The following LPIN1 variants were observed in gnomAD, a reference collection of about 807,000 sequenced individuals.
The protein encoded by LPIN1 is lipin 1, also known as phosphatidate phosphatase LPIN1.
LPIN1 carries 71 observed loss-of-function variants against 107.5 expected under a neutral mutation model. The observed-to-expected ratio is 0.66, with a 90% CI of 0.55 to 0.80. The LOEUF (loss-of-function observed/expected upper bound fraction) is 0.80, where lower values mean the gene tolerates loss of function less well. Among genes scored for constraint, LPIN1 ranks in the 30% least tolerant of loss-of-function variants. LPIN1 has a pLI of 0.00. For missense variants in LPIN1, 1,043 were observed against 1,160.6 expected (o/e 0.90, Z 1.47); for synonymous variants, 445 against 452.6 (o/e 0.98, Z 0.21).
intron 17 of LPIN1, among the ~76,000 whole-genome samples, chr2:11,811,737 A>G (rs1679682943): frequency 6.6e-6 from 1 of 152,268 alleles, no homozygotes; most frequent in Admixed American, 6.5e-5. Flanking sequence ...CTGTAATCCC[A>G]GCACTTTGGG....
intron 7 of LPIN1, among the ~76,000 whole-genome samples, chr2:11,780,810 G>A (rs1421435899): frequency 6.6e-6 from 1 of 152,198 alleles, no homozygotes; most frequent in Non-Finnish European, 1.5e-5. Flanking sequence ...TGAAGTATCT[G>A]GCACCTGTAG....
intron 12 of LPIN1, among the ~76,000 whole-genome samples, chr2:11,791,261 T>C (rs1675674933): frequency 6.6e-6 from 1 of 152,214 alleles, no homozygotes; most frequent in Non-Finnish European, 1.5e-5. Context: ...GGAAGGGACA[T>C]TACCTAACTT....
intron 1 of LPIN1, among the ~76,000 whole-genome samples, chr2:11,762,196 C>T (rs556611500): frequency 6.6e-5 from 10 of 152,158 alleles, no homozygotes; most frequent in African/African-American, 1.9e-4. Context: ...GATGCAACTC[C>T]GGAGTAGCCA....
chr2:11,818,833 CA>C (rs985688094), intron 18 of LPIN1: 39 of 152,104 alleles, frequency 2.6e-4, no homozygotes, highest in African/African-American at 8.9e-4. Context: ...TAAATTGTAT[CA>C]AATCCTCTTT....
intron 1 of LPIN1, chr2:11,682,137 C>T (rs1661749909): frequency 6.6e-6 from 1 of 152,396 alleles, no homozygotes. Flanking sequence ...GGGAGCGGGG[C>T]TTTGGGCCTC....
upstream of LPIN1, among the ~76,000 whole-genome samples, chr2:11,742,730 C>T (rs1014455360): frequency 2.6e-5 from 4 of 152,208 alleles, no homozygotes; most frequent in Admixed American, 6.5e-5. Flanking sequence ...GTCTTAGCCC[C>T]GCTCATTATG....
intron 1 of LPIN1, among the ~76,000 whole-genome samples, chr2:11,705,773 G>T (rs150256155): frequency 2.6e-5 from 4 of 152,322 alleles, no homozygotes; most frequent in African/African-American, 9.6e-5. Context: ...TTAGAAAATT[G>T]CATGCTTTTT....
At position 11,826,555 on chromosome 2, in the gene LPIN1, T is replaced by G. The variant is rs1421835612; in HGVS notation, c.*1764T>G. 1 of 142,848 alleles carries G rather than the reference T, an allele frequency of 7.0e-6. No individual in the cohort carries two copies. Among genetic ancestry groups the G allele is most frequent in the African/African-American group, 2.6e-5 (1 of 38,798 alleles). The allele number at this position is 142,848 out of a possible 1,614,324, so 8.8% of individuals were successfully genotyped here. The stretch of plus-strand genomic sequence containing the variant: ...AAAAAAAAGTCCTGCCTTAACTAAC[T>G]CCTCTGCGCTTGTTCACTAGTAACC... On this transcript the variant is annotated 3_prime_UTR_variant, in exon 21 of 21. Transcript: ENST00000674199.
intron 5 of LPIN1, among the ~76,000 whole-genome samples, chr2:11,775,406 C>G (rs1672503867): frequency 6.6e-6 from 1 of 152,212 alleles, no homozygotes; most frequent in African/African-American, 2.4e-5. Flanking sequence ...AAACACAACT[C>G]TGAGCGTGTT....
chr2:11,820,598 T>TC, intron 20 of LPIN1, 84 bp downstream of exon 20: 2 of 903,700 alleles, frequency 2.2e-6, no homozygotes, highest in Non-Finnish European at 3.7e-6. Flanking sequence ...GTGTACCTTT[T>TC]CCCCTTTGCT....
At chr2:11,734,761 T>C (rs1467905815) in intron 1 of LPIN1, among the ~76,000 whole-genome samples, 1 of 152,168 alleles carries the variant, frequency 6.6e-6, no homozygotes, top group African/African-American at 2.4e-5. Flanking sequence ...TTTCAAAAGA[T>C]TTACAACATC....
At chr2:11,702,234 A>C (rs914065952) in intron 1 of LPIN1, among the ~76,000 whole-genome samples, 9 of 152,200 alleles carry the variant, frequency 5.9e-5, no homozygotes, top group African/African-American at 2.2e-4. Flanking sequence ...TTTCTGTGGA[A>C]AGGAACAGGT....
intron 17 of LPIN1, among the ~76,000 whole-genome samples, chr2:11,807,125 C>T (rs1678842638): frequency 6.6e-6 from 1 of 152,176 alleles, no homozygotes; most frequent in African/African-American, 2.4e-5. Context: ...ATAAAGAAGG[C>T]ACACACACTT....
At chr2:11,734,625 T>C (rs953019925) in intron 1 of LPIN1, among the ~76,000 whole-genome samples, 1 of 152,234 alleles carries the variant, frequency 6.6e-6, no homozygotes, top group African/African-American at 2.4e-5. Flanking sequence ...GGCTCTCTTT[T>C]ACCTTCTCAT....
At chr2:11,787,214 C>T (rs767154124) in intron 11 of LPIN1, 47 bp downstream of exon 11, 20 of 1,257,980 alleles carry the variant, frequency 1.6e-5, no homozygotes, top group Non-Finnish European at 2.2e-5. Context: ...GATACTGTTT[C>T]TGTTTCATGT....
intron 17 of LPIN1, among the ~76,000 whole-genome samples, chr2:11,810,081 G>A (rs754801329): frequency 2.9e-4 from 44 of 152,302 alleles, no homozygotes; most frequent in Non-Finnish European, 3.5e-4. Flanking sequence ...CTCAGAGGGA[G>A]CCCCTAGACT....
intron 2 of LPIN1, among the ~76,000 whole-genome samples, chr2:11,718,823 C>G (rs571075898): frequency 1.3e-5 from 2 of 152,250 alleles, no homozygotes; most frequent in East Asian, 3.9e-4. Flanking sequence ...AACTTAGTCT[C>G]TTGGGGGACA....
chr2:11,714,384 G>T (rs1663596706), intron 2 of LPIN1, among the ~76,000 whole-genome samples: 1 of 152,026 alleles, frequency 6.6e-6, no homozygotes, highest in African/African-American at 2.4e-5. Flanking sequence ...TGTCTTTTTG[G>T]CTCTTCCTAG....
chr2:11,729,669 CAATA>C (rs1665002104), intron 1 of LPIN1, among the ~76,000 whole-genome samples: 1 of 152,312 alleles, frequency 6.6e-6, no homozygotes, highest in South Asian at 2.1e-4. Flanking sequence ...GCAAAGTCTA[CAATA>C]TTTGCAGTCT....
Sources: allele counts gnomAD v4.1 joint callset (sites outside exome capture counted in the v4.1 genomes callset), GRCh38; gene constraint gnomAD v4.1.1; transcripts MANE v1.5; gene names NCBI Gene and HGNC (gene_info 2026-07-23, HGNC 2026-07-21).